Variants in TOMM20L observed in about 807,000 individuals in gnomAD.
TOMM20L encodes TOMM20-like protein 1.
Under a neutral mutation model 20.4 loss-of-function variants are expected in TOMM20L, and 19 were observed. The ratio of observed to expected loss-of-function variants is 0.93; its 90% CI spans 0.65 to 1.36. TOMM20L has a LOEUF of 1.36. TOMM20L is among the 40% of genes most tolerant of loss of function. The pLI is 0.00. For missense variants in TOMM20L, 218 were observed against 203.7 expected (o/e 1.07, Z -0.43); for synonymous variants, 75 against 79.6 (o/e 0.94, Z 0.30).
At chr14:58,398,107 T>A (rs1467005322) in intron 2 of TOMM20L, among the ~76,000 whole-genome samples, 1 of 152,190 alleles carries the variant, frequency 6.6e-6, no homozygotes, top group East Asian at 1.9e-4. Context: ...GAGCTGGACA[T>A]GGGAGTGGAG....
downstream of TOMM20L, chr14:58,411,007 C>T (rs1412359112): frequency 9.2e-7 from 1 of 1,084,950 alleles, no homozygotes; most frequent in East Asian, 2.4e-5. Flanking sequence ...ACTTAAATTA[C>T]TGGTATTTTA....
downstream of TOMM20L, chr14:58,411,831 C>G: frequency 7.1e-7 from 1 of 1,403,592 alleles, no homozygotes; most frequent in Non-Finnish European, 1.0e-6. Flanking sequence ...GCCACTGCAC[C>G]CAGCCTGACA....
intron 1 of TOMM20L, 38 bp from the exon 2 acceptor site, chr14:58,396,260 G>T (rs368525047): frequency 1.3e-5 from 21 of 1,611,180 alleles, no homozygotes; most frequent in Admixed American, 5.0e-5. Context: ...GCCTCTGGAC[G>T]GGCCTCCCAG....
chr14:58,400,732 G>A (rs2035983831), intron 2 of TOMM20L, among the ~76,000 whole-genome samples: 1 of 151,942 alleles, frequency 6.6e-6, no homozygotes, highest in Non-Finnish European at 1.5e-5. Flanking sequence ...ACAAAAATTG[G>A]CTGGGCATAG....
chr14:58,404,804 T>C (rs1027298626), intron 3 of TOMM20L, among the ~76,000 whole-genome samples: 3 of 152,198 alleles, frequency 2.0e-5, no homozygotes, highest in African/African-American at 7.2e-5. Context: ...TGCTTTTAGA[T>C]GGAGTAATTT....
Position 58,408,641 on chromosome 14 carries a change from C to T in TOMM20L, c.*59C>T. On this transcript the variant is annotated 3_prime_UTR_variant, in exon 5 of 5. Coordinates refer to ENST00000360945, the MANE Select transcript of TOMM20L (RefSeq NM_207377.3). ...ATACTATGGTACCATACAGTATAAA[C>T]AACTGCTCAGTGATATTTCCATTTA... 1 of 1,479,706 alleles carries T rather than the reference C, an allele frequency of 6.8e-7. No individual in the cohort carries two copies. 91.7% of individuals were successfully genotyped at this position (1,479,706 alleles called of 1,614,324 possible).
At chr14:58,407,489 C>A (rs1196691971) in intron 4 of TOMM20L, 21 bp downstream of exon 4, 33 of 1,604,092 alleles carry the variant, frequency 2.1e-5, no homozygotes, top group Non-Finnish European at 2.7e-5. Context: ...ATTTAATTAT[C>A]TTTGTGAAAT....
At chr14:58,408,502 C>T (rs2036103394) in intron 4 of TOMM20L, 27 bp from the exon 5 acceptor site, 2 of 1,603,442 alleles carry the variant, frequency 1.2e-6, no homozygotes, top group African/African-American at 2.7e-5. Flanking sequence ...AAATGATTAG[C>T]AAGTAACTAT....
chr14:58,408,624 GT>G lies in TOMM20L; in HGVS notation c.*43del. 1 of 1,562,398 alleles carries G rather than the reference GT, an allele frequency of 6.4e-7. No homozygotes were observed. ...TCCACAGTCCAGTGAGAATACTATG[GT>G]ACCATACAGTATAAACAACTGCTCA... On this transcript the variant is annotated 3_prime_UTR_variant, in exon 5 of 5. Coordinates refer to ENST00000360945, the MANE Select transcript of TOMM20L (RefSeq NM_207377.3).
At chr14:58,412,962 G>C (rs1213374969), downstream of TOMM20L, among the ~76,000 whole-genome samples, 5 of 151,890 alleles carry the variant, frequency 3.3e-5, no homozygotes, top group East Asian at 5.8e-4. Flanking sequence ...GATTTTTGCT[G>C]TTTTCCTAAA....
At chr14:58,409,719 C>T (rs1254551243), downstream of TOMM20L, among the ~76,000 whole-genome samples, 1 of 152,090 alleles carries the variant, frequency 6.6e-6, no homozygotes, top group Non-Finnish European at 1.5e-5. Flanking sequence ...GCTGGGACTA[C>T]AGGTGCCTGC....
intron 2 of TOMM20L, among the ~76,000 whole-genome samples, chr14:58,399,132 G>A (rs560953259): frequency 4.6e-5 from 7 of 152,126 alleles, no homozygotes; most frequent in Admixed American, 6.6e-5. Context: ...GCAGTCTGCC[G>A]GCCTTGGCCT....
intron 2 of TOMM20L, among the ~76,000 whole-genome samples, chr14:58,400,425 AAAAAAAAAAAG>A: frequency 6.6e-6 from 1 of 150,850 alleles, no homozygotes; most frequent in Admixed American, 6.6e-5. Flanking sequence ...CTGTCTCCAA[AAAAAAAAAAAG>A]AAAAAAAAAA....
At chr14:58,396,431 T>C in intron 2 of TOMM20L, 90 bp downstream of exon 2, 1 of 1,444,868 alleles carries the variant, frequency 6.9e-7, no homozygotes, top group Middle Eastern at 2.3e-4. Flanking sequence ...CGGCAGCAGG[T>C]AGTTAGTTCC....
chr14:58,410,098 G>T (rs1022389343), downstream of TOMM20L, among the ~76,000 whole-genome samples: 3 of 151,784 alleles, frequency 2.0e-5, no homozygotes, highest in African/African-American at 4.8e-5. Flanking sequence ...TGTTGACAGG[G>T]TCTTGCTCTG....
Position 58,403,599 on chromosome 14 carries a change from G to A in TOMM20L, c.262+838G>A, listed in dbSNP as rs568131372. ...AACGCCTGTAATCCCAGCACTTTGG[G>A]AGGCCGAGGTGGGCGGATCATGAGG... On this transcript the variant is annotated intron_variant, in intron 3 of 4. Transcript: ENST00000360945. 2.2e-4 allele frequency among the ~76,000 whole-genome samples: 34 copies of A among 152,154 alleles called. No homozygotes were observed. The South Asian group carries it at 6.0e-3, about 27-fold the overall frequency.
intron 3 of TOMM20L, among the ~76,000 whole-genome samples, chr14:58,404,790 T>C (rs1487486822): frequency 6.6e-6 from 1 of 152,192 alleles, no homozygotes; most frequent in African/African-American, 2.4e-5. Flanking sequence ...ATATTAACGA[T>C]TTTTGCTTTT....
chr14:58,412,064 A>G (rs1450062137), downstream of TOMM20L: 3 of 909,256 alleles, frequency 3.3e-6, no homozygotes, highest in African/African-American at 1.6e-5. Flanking sequence ...GTATTTTATA[A>G]ATCTGTGTAT....
intron 3 of TOMM20L, among the ~76,000 whole-genome samples, chr14:58,404,951 T>G (rs1479728693): frequency 6.6e-6 from 1 of 152,058 alleles, no homozygotes; most frequent in Non-Finnish European, 1.5e-5. Context: ...TGCATAGGCC[T>G]CTAAGGCCCC....
Sources: gnomAD v4.1 joint callset for allele counts (sites outside exome capture counted in the v4.1 genomes callset) on GRCh38, gnomAD v4.1.1 for gene constraint, MANE v1.5 for transcripts, NCBI Gene and HGNC (gene_info 2026-07-23, HGNC 2026-07-21) for gene names.